Variants in RIMS2 observed in about 807,000 individuals in gnomAD.
RIMS2 encodes regulating synaptic membrane exocytosis 2, also known as regulating synaptic membrane exocytosis protein 2.
A neutral mutation model predicts 174.4 loss-of-function variants in RIMS2; 59 were observed. The observed-to-expected ratio is 0.34, with a 90% CI of 0.27 to 0.42. RIMS2 has a LOEUF of 0.42. Among genes scored for constraint, RIMS2 ranks in the 10% least tolerant of loss-of-function variants. The pLI, the probability that RIMS2 is intolerant of heterozygous loss-of-function variation, is 1.00. For synonymous variants in RIMS2, 606 were observed against 572.5 expected, an observed-to-expected ratio of 1.06 and a Z score of -0.84; for missense variants, 1,620 against 1,666.3, an observed-to-expected ratio of 0.97 and a Z score of 0.48.
At chr8:103,913,145 T>TG (rs1490091014) in intron 6 of RIMS2, among the ~76,000 whole-genome samples, 18 of 144,738 alleles carry the variant, frequency 1.2e-4, no homozygotes, top group South Asian at 2.2e-4. Context: ...GCTATTTTTT[T>TG]TTTTTTGTAT....
chr8:103,565,450 A>G (rs887343047), intron 1 of RIMS2, among the ~76,000 whole-genome samples: 2 of 152,064 alleles, frequency 1.3e-5, no homozygotes, highest in South Asian at 4.1e-4. Flanking sequence ...GACTACAGGC[A>G]TGCACCACCA....
At chr8:104,183,621 T>G (rs2098952366) in intron 19 of RIMS2, among the ~76,000 whole-genome samples, 1 of 151,550 alleles carries the variant, frequency 6.6e-6, no homozygotes, top group African/African-American at 2.4e-5. Context: ...GAGAAAAATC[T>G]GAGTTATTAA....
At chr8:104,066,664 A>G (rs919337135) in intron 19 of RIMS2, among the ~76,000 whole-genome samples, 1 of 152,160 alleles carries the variant, frequency 6.6e-6, no homozygotes, top group African/African-American at 2.4e-5. Context: ...TACATCATGG[A>G]GGCACTCACC....
intron 14 of RIMS2, among the ~76,000 whole-genome samples, chr8:103,958,811 G>A (rs181183724): frequency 6.6e-6 from 1 of 152,274 alleles, no homozygotes; most frequent in East Asian, 1.9e-4. Context: ...AAGGTTGTAA[G>A]ACAATGGTTG....
chr8:103,540,242 C>T (rs1841901483), intron 1 of RIMS2, among the ~76,000 whole-genome samples: 1 of 152,156 alleles, frequency 6.6e-6, no homozygotes, highest in Non-Finnish European at 1.5e-5. Context: ...ATAAGCGAGA[C>T]CCAACATGAA....
intron 1 of RIMS2, among the ~76,000 whole-genome samples, chr8:103,636,094 T>C (rs2096068016): frequency 6.6e-6 from 1 of 152,194 alleles, no homozygotes; most frequent in African/African-American, 2.4e-5. Flanking sequence ...ACGGCTAAGA[T>C]GCCTTAACAG....
At chr8:103,848,553 G>C (rs2098980075) in intron 3 of RIMS2, among the ~76,000 whole-genome samples, 1 of 151,942 alleles carries the variant, frequency 6.6e-6, no homozygotes. Flanking sequence ...GGTGCTTCTG[G>C]ATTCGTGGTC....
chr8:103,751,984 G>A (rs1235096486), intron 2 of RIMS2, among the ~76,000 whole-genome samples: 1 of 152,128 alleles, frequency 6.6e-6, no homozygotes, highest in African/African-American at 2.4e-5. Context: ...TTTGGCTTTT[G>A]TTGCCATTGC....
intron 3 of RIMS2, among the ~76,000 whole-genome samples, chr8:103,863,904 TTTTG>T (rs1168686408): frequency 2.5e-5 from 3 of 120,938 alleles, no homozygotes; most frequent in Non-Finnish European, 5.3e-5. Flanking sequence ...TTTTTGTTTT[TTTTG>T]TTTGTTTGTT....
chr8:103,731,026 G>A (rs746763814), intron 2 of RIMS2, among the ~76,000 whole-genome samples: 6 of 152,136 alleles, frequency 3.9e-5, no homozygotes, highest in Non-Finnish European at 7.3e-5. Flanking sequence ...GAGAGAGCTT[G>A]TGCAAGGGAA....
chr8:103,528,502 T>C (rs1835223384), intron 1 of RIMS2, among the ~76,000 whole-genome samples: 1 of 152,224 alleles, frequency 6.6e-6, no homozygotes, highest in Non-Finnish European at 1.5e-5. Flanking sequence ...CTAGGTTTTC[T>C]TCTAGAGTTT....
chr8:104,177,984 T>C (rs1289896162), intron 19 of RIMS2, among the ~76,000 whole-genome samples: 1 of 152,300 alleles, frequency 6.6e-6, no homozygotes, highest in East Asian at 1.9e-4. Flanking sequence ...GTCTACCATA[T>C]GGAAGCAGAC....
At chr8:103,942,843 T>G in exon 14 of RIMS2, 1 of 1,612,684 alleles carries the variant, frequency 6.2e-7, no homozygotes. Context: ...ACGCATGATG[T>G]CTCTTCATTG....
intron 20 of RIMS2, 104 bp from the exon 27 acceptor site, chr8:104,248,597 A>G: frequency 1.4e-6 from 1 of 690,194 alleles, no homozygotes; most frequent in Middle Eastern, 2.7e-4. Flanking sequence ...GTGACAAAAT[A>G]ATAGGACTAG....
chr8:104,082,978 T>C (rs1424656499), intron 19 of RIMS2, among the ~76,000 whole-genome samples: 2 of 152,076 alleles, frequency 1.3e-5, no homozygotes, highest in African/African-American at 4.8e-5. Flanking sequence ...GAGGCTATTG[T>C]AGTAGTCCAA....
intron 1 of RIMS2, among the ~76,000 whole-genome samples, chr8:103,525,255 G>A (rs1216533152): frequency 6.6e-6 from 1 of 152,114 alleles, no homozygotes; most frequent in African/African-American, 2.4e-5. Context: ...TCTTCATTGA[G>A]GTATCAAGGT....
chr8:104,071,654 T>C (rs2097197861), intron 19 of RIMS2, among the ~76,000 whole-genome samples: 1 of 152,082 alleles, frequency 6.6e-6, no homozygotes, highest in East Asian at 1.9e-4. Context: ...GCCAGGATGG[T>C]CTCAATCTAC....
chr8:103,822,287 G>A (rs2098756889), intron 3 of RIMS2, among the ~76,000 whole-genome samples: 1 of 151,658 alleles, frequency 6.6e-6, no homozygotes, highest in Non-Finnish European at 1.5e-5. Flanking sequence ...GATTTTAGAT[G>A]GTGAGGCAGT....
chr8:103,611,530 G>A lies in RIMS2; in HGVS notation c.177-85556G>A, dbSNP rs2095365842. Among the ~76,000 whole-genome samples, 4 of 142,292 alleles carry A rather than the reference G, an allele frequency of 2.8e-5. No homozygotes were observed. The South Asian group carries it at 8.6e-4, about 31-fold the overall frequency. 93.3% of individuals were successfully genotyped at this position (142,292 alleles called of 152,430 possible). ...CCCTCAGCCTTTGTTTGTGTTGGGA[G>A]GAATTTTTTTTTTTTTGTCAGATGT... On this transcript the variant is annotated intron_variant, in intron 1 of 23. Coordinates refer to ENST00000504942, the Ensembl canonical transcript of RIMS2.
Sources: allele counts gnomAD v4.1 joint callset (sites outside exome capture counted in the v4.1 genomes callset), GRCh38; gene constraint gnomAD v4.1.1; transcripts MANE v1.5; gene names NCBI Gene and HGNC (gene_info 2026-07-23, HGNC 2026-07-21).